TBC1D4: variants seen among roughly 807,000 people sequenced by gnomAD.
TBC1D4 encodes TBC (Tre-2, BUB2, CDC16) domain-containing protein.
TBC1D4 carries 121 observed loss-of-function variants against 142.5 expected under a neutral mutation model. That is an observed-to-expected ratio of 0.85 (90% CI 0.73 to 0.99). TBC1D4 has a LOEUF of 0.99. TBC1D4 is among the 50% of genes least tolerant of loss of function. The pLI, the probability that TBC1D4 is intolerant of heterozygous loss-of-function variation, is 0.00. For synonymous variants in TBC1D4, 630 were observed against 628.2 expected, an observed-to-expected ratio of 1.00 and a Z score of -0.04; for missense variants, 1,475 against 1,606.6, an observed-to-expected ratio of 0.92 and a Z score of 1.40.
At chr13:75,390,376 A>T (rs1884407875) in intron 1 of TBC1D4, among the ~76,000 whole-genome samples, 1 of 152,032 alleles carries the variant, frequency 6.6e-6, no homozygotes, top group East Asian at 1.9e-4. Context: ...TGGGTCCAGG[A>T]GATTAGGTAC....
Position 75,356,153 on chromosome 13 carries a change from T to C in TBC1D4, c.1269A>G (p.Glu423=). ...YICYVFQCAS[E]SLVDEVMLTL... ...CAGCAATAACACTACTTACCAGAGA[T>C]TCGCTGGCACACTGGAATACATAAC... The change falls in exon 4 of 21, where the codon GAA becomes GAG. Residue 423 remains glutamate, a synonymous_variant. Transcript: ENST00000377636. 1 of 1,612,508 alleles carries C rather than the reference T, an allele frequency of 6.2e-7. No homozygotes were observed. The highest frequency in any genetic ancestry group is 8.5e-7 in the Non-Finnish European group (1 of 1,178,842).
At chr13:75,356,984 C>T (rs561077896) in intron 3 of TBC1D4, among the ~76,000 whole-genome samples, 9 of 152,266 alleles carry the variant, frequency 5.9e-5, no homozygotes, top group African/African-American at 2.2e-4. Flanking sequence ...TTAAAGTTGT[C>T]CCCAAATCAC....
chr13:75,291,032 T>A (rs1875241860), intron 19 of TBC1D4, among the ~76,000 whole-genome samples: 1 of 152,194 alleles, frequency 6.6e-6, no homozygotes, highest in African/African-American at 2.4e-5. Flanking sequence ...GTCCACTGCA[T>A]CTGAACGGCA....
rs555652010 is a variant in TBC1D4 at position 75,387,289 on chromosome 13, A to G, written c.499-24682T>C. Among the ~76,000 whole-genome samples the G allele has an allele frequency of 2.6e-4, 39 of 152,298 alleles. No homozygotes were observed. The South Asian group carries it at 7.9e-3, about 31-fold the overall frequency. On this transcript the variant is annotated intron_variant, in intron 1 of 20. Coordinates refer to ENST00000377636, the MANE Select transcript of TBC1D4 (RefSeq NM_014832.5). ...ACGTCCCACAAGTATATATAAATGG[A>G]AAAGGGCAAATTTTCAGAGCTTTGT...
intron 4 of TBC1D4, among the ~76,000 whole-genome samples, chr13:75,353,715 G>A (rs1450615983): frequency 1.3e-5 from 2 of 152,164 alleles, no homozygotes; most frequent in African/African-American, 4.8e-5. Flanking sequence ...AGGGTACTCA[G>A]ACTATAGTAG....
rs12323089 is a variant in TBC1D4 at position 75,284,016 on chromosome 13, C to T, written c.*2776G>A. Among the ~76,000 whole-genome samples the T allele has an allele frequency of 2.0e-3, 298 of 152,212 alleles. 2 individuals are homozygous for T. Among genetic ancestry groups the T allele is most frequent in the African/African-American group, 6.8e-3 (284 of 41,522 alleles). On this transcript the variant is annotated 3_prime_UTR_variant, in exon 21 of 21. Coordinates refer to ENST00000377636, the MANE Select transcript of TBC1D4 (RefSeq NM_014832.5). ...CGCCTCCCAGGTTCAAACTATTCTCCAGCCTCCTATAAGTAGCAATATATG... is the reference window on the plus strand; with the variant it reads ...CGCCTCCCAGGTTCAAACTATTCTCTAGCCTCCTATAAGTAGCAATATATG...
At chr13:75,287,268 A>G (rs1464870111) in intron 20 of TBC1D4, among the ~76,000 whole-genome samples, 1 of 152,138 alleles carries the variant, frequency 6.6e-6, no homozygotes, top group Admixed American at 6.5e-5. Flanking sequence ...CCCCTCACCA[A>G]CAGTAGGAAT....
At chr13:75,449,022 T>C (rs977902819) in intron 1 of TBC1D4, among the ~76,000 whole-genome samples, 1 of 144,934 alleles carries the variant, frequency 6.9e-6, no homozygotes, top group Non-Finnish European at 1.5e-5. Context: ...GAATCATGTA[T>C]ATGCATTCAC....
In TBC1D4 at chr13:75,300,502, C is replaced by T. The variant is rs1228376494; in HGVS notation, c.2912-928G>A. On this transcript the variant is annotated intron_variant, in intron 16 of 20. Transcript: ENST00000377636. ...TTTAAAATGTTTTCTCCCACATATG[C>T]TTAAAAGTGATTTTTTTTTCTAGGA... 1.3e-5 allele frequency among the ~76,000 whole-genome samples: 2 copies of T among 151,028 alleles called. 1 individual carries two copies. The highest frequency in any genetic ancestry group is 5.0e-5 in the African/African-American group (2 of 40,402).
intron 1 of TBC1D4, among the ~76,000 whole-genome samples, chr13:75,390,814 G>A (rs1433760676): frequency 8.1e-6 from 1 of 122,888 alleles, no homozygotes; most frequent in Non-Finnish European, 1.6e-5. Flanking sequence ...ATAGGTATTT[G>A]TGTGAGGATG....
intron 1 of TBC1D4, among the ~76,000 whole-genome samples, chr13:75,452,928 T>A (rs1022912): frequency 0.16 from 24,508 of 152,110 alleles, 2,209 homozygotes; most frequent in East Asian, 0.32. Context: ...GGATAGCGTC[T>A]CGAGGGCCTA....
At chr13:75,464,634 A>G (rs1888097647) in intron 1 of TBC1D4, among the ~76,000 whole-genome samples, 1 of 152,136 alleles carries the variant, frequency 6.6e-6, no homozygotes, top group Non-Finnish European at 1.5e-5. Context: ...TAATTCCTCT[A>G]GCACCACTGG....
chr13:75,349,363 T>C, intron 4 of TBC1D4, 61 bp from the exon 5 acceptor site: 1 of 1,603,624 alleles, frequency 6.2e-7, no homozygotes, highest in Non-Finnish European at 8.5e-7. Flanking sequence ...CATTCAACAT[T>C]CAACAGCAAT....
intron 5 of TBC1D4, among the ~76,000 whole-genome samples, chr13:75,348,954 A>AGAGTGTGT (rs969343152): frequency 4.9e-4 from 68 of 139,166 alleles, no homozygotes; most frequent in African/African-American, 1.8e-3. Context: ...AGAGAGAGAG[A>AGAGTGTGT]GTGTGTGTGT....
At chr13:75,324,943 C>T (rs1044160620) in intron 10 of TBC1D4, among the ~76,000 whole-genome samples, 3 of 152,124 alleles carry the variant, frequency 2.0e-5, no homozygotes, top group Non-Finnish European at 2.9e-5. Context: ...ATGGTTTAAT[C>T]GAAAGCCCAA....
chr13:75,327,646 T>A, intron 9 of TBC1D4, 106 bp downstream of exon 9: 3 of 1,057,478 alleles, frequency 2.8e-6, no homozygotes, highest in South Asian at 2.7e-5. Context: ...ATTTATTTTT[T>A]AAAAAGCTAT....
chr13:75,334,391 AG>A (rs553852673), intron 8 of TBC1D4, among the ~76,000 whole-genome samples: 2 of 152,180 alleles, frequency 1.3e-5, no homozygotes, highest in African/African-American at 4.8e-5. Context: ...TCTGTCTAGT[AG>A]GAACATATAC....
intron 8 of TBC1D4, among the ~76,000 whole-genome samples, chr13:75,336,689 T>A (rs1415108927): frequency 1.3e-5 from 2 of 152,096 alleles, no homozygotes; most frequent in Non-Finnish European, 2.9e-5. Context: ...TGCAGTGAGC[T>A]GAGATCTCAC....
intron 2 of TBC1D4, among the ~76,000 whole-genome samples, chr13:75,360,344 C>A (rs147342788): frequency 2.0e-5 from 3 of 151,952 alleles, no homozygotes; most frequent in African/African-American, 7.2e-5. Flanking sequence ...CTGATAACCC[C>A]AAGAAAAGGG....
Sources: gnomAD v4.1 joint callset for allele counts (sites outside exome capture counted in the v4.1 genomes callset) on GRCh38, gnomAD v4.1.1 for gene constraint, MANE v1.5 for transcripts, NCBI Gene and HGNC (gene_info 2026-07-23, HGNC 2026-07-21) for gene names.